ADAM22: variants seen among roughly 807,000 people sequenced by gnomAD.
ADAM22 encodes disintegrin and metalloproteinase domain-containing protein 22.
A neutral mutation model predicts 144.6 loss-of-function variants in ADAM22; 65 were observed. The observed-to-expected ratio is 0.45, with a 90% confidence interval of 0.37 to 0.55. ADAM22 has a LOEUF of 0.55. Among genes scored for constraint, ADAM22 ranks in the 20% least tolerant of loss-of-function variants. The pLI, the probability that ADAM22 is intolerant of heterozygous loss-of-function variation, is 0.00. For missense variants in ADAM22, 974 were observed against 1,184.9 expected, an observed-to-expected ratio of 0.82 and a Z score of 2.61; for synonymous variants, 391 against 412.6, an observed-to-expected ratio of 0.95 and a Z score of 0.63.
At chr7:88,005,164 C>G (rs370206572) in intron 3 of ADAM22, among the ~76,000 whole-genome samples, 2 of 152,080 alleles carry the variant, frequency 1.3e-5, no homozygotes, top group East Asian at 3.9e-4. Flanking sequence ...AATAATTGTG[C>G]CCTGTGTTCA....
intron 4 of ADAM22, among the ~76,000 whole-genome samples, chr7:88,091,664 A>G (rs756501216): frequency 1.4e-4 from 22 of 152,168 alleles, no homozygotes; most frequent in Non-Finnish European, 2.9e-4. Context: ...AGAAAGTTTA[A>G]CTAACTTGCC....
intron 4 of ADAM22, among the ~76,000 whole-genome samples, chr7:88,087,607 A>G (rs886537449): frequency 2.0e-5 from 3 of 152,344 alleles, no homozygotes; most frequent in Non-Finnish European, 2.9e-5. Context: ...TTGTAGAGAT[A>G]TGATTTATTA....
At chr7:88,027,819 T>C (rs979313121) in intron 3 of ADAM22, among the ~76,000 whole-genome samples, 2 of 151,962 alleles carry the variant, frequency 1.3e-5, no homozygotes, top group Non-Finnish European at 2.9e-5. Flanking sequence ...TTTTTTTTTT[T>C]CTGAGACAGA....
rs532813001 is a variant in ADAM22, at chr7:87,957,609, T to C, written c.247-20727T>C. On this transcript the variant is annotated intron_variant, in intron 2 of 31. Coordinates refer to ENST00000413139, the MANE Select transcript of ADAM22 (RefSeq NM_001324418.2). ...TTCTTTTTTTTATTGAGATGGAGTT[T>C]CGCTCTTGTTGCCCAAGCTGGAATG... Among the ~76,000 whole-genome samples, 6 of 152,264 alleles carry C rather than the reference T, an allele frequency of 3.9e-5. No individual in the cohort carries two copies. In the South Asian group the frequency reaches 1.2e-3, roughly 32 times the overall value.
At chr7:88,080,915 AG>A (rs1816373102) in intron 4 of ADAM22, among the ~76,000 whole-genome samples, 2 of 152,316 alleles carry the variant, frequency 1.3e-5, no homozygotes, top group South Asian at 4.1e-4. Flanking sequence ...CAGAGGTACA[AG>A]GAGGAACTGG....
chr7:88,065,053 T>C (rs937108531), intron 3 of ADAM22, among the ~76,000 whole-genome samples: 5 of 152,150 alleles, frequency 3.3e-5, no homozygotes, highest in African/African-American at 1.2e-4. Flanking sequence ...TTAATACTTT[T>C]CTTGAGAAAT....
At chr7:87,973,855 G>C (rs370000361) in intron 2 of ADAM22, among the ~76,000 whole-genome samples, 2 of 151,786 alleles carry the variant, frequency 1.3e-5, no homozygotes, top group African/African-American at 4.8e-5. Context: ...ACCAAACACC[G>C]CATATTCTCA....
At chr7:87,960,718 GT>G (rs1847837558) in intron 2 of ADAM22, among the ~76,000 whole-genome samples, 1 of 152,172 alleles carries the variant, frequency 6.6e-6, no homozygotes. Context: ...TTCTTACAAA[GT>G]TTAAACTTGC....
At position 88,196,807 on chromosome 7, in the gene ADAM22, A is replaced by T. The variant is rs2129541789; in HGVS notation, c.*316A>T. 3.0e-6 allele frequency: 1 copy of T among 337,402 alleles called. No homozygotes were observed. Among genetic ancestry groups the T allele is most frequent in the East Asian group, 5.7e-5 (1 of 17,686 alleles). 20.9% of individuals were successfully genotyped at this position (337,402 alleles called of 1,614,324 possible). On this transcript the variant is annotated 3_prime_UTR_variant, in exon 32 of 32. Transcript: ENST00000413139. ...AATATTCATAAAGTTAACTCACATG[A>T]CCCAAATGTAGCAAGTTTCCTAAGG...
At position 88,132,971 on chromosome 7, in the gene ADAM22, C is replaced by T; in HGVS notation, c.1077+20C>T. 6.2e-7 allele frequency: 1 copy of T among 1,607,326 alleles called. No homozygotes were observed. Among genetic ancestry groups the T allele is most frequent in the South Asian group, 1.1e-5 (1 of 90,884 alleles). On this transcript the variant is annotated intron_variant, in intron 12 of 31. Transcript: ENST00000413139. ...AATGAAGTAGGTGTGAACATCTGTACAATACAAAGTGGTATGATGGCTGAA... is the reference window on the plus strand; with the variant it reads ...AATGAAGTAGGTGTGAACATCTGTATAATACAAAGTGGTATGATGGCTGAA...
intron 2 of ADAM22, among the ~76,000 whole-genome samples, chr7:87,977,197 C>CT (rs918624352): frequency 1.3e-5 from 2 of 152,122 alleles, no homozygotes; most frequent in African/African-American, 4.8e-5. Flanking sequence ...GGAGGATAGA[C>CT]TTTAAAACAG....
At chr7:87,940,314 G>A (rs1842238796) in intron 2 of ADAM22, among the ~76,000 whole-genome samples, 1 of 151,240 alleles carries the variant, frequency 6.6e-6, no homozygotes, top group Non-Finnish European at 1.5e-5. Flanking sequence ...GTTATTATAT[G>A]TCAATTTTTT....
intron 3 of ADAM22, among the ~76,000 whole-genome samples, chr7:88,037,270 G>A (rs1464380508): frequency 2.0e-5 from 3 of 152,014 alleles, no homozygotes; most frequent in East Asian, 1.9e-4. Flanking sequence ...AATATTTAAC[G>A]ATGATGTTTT....
intron 19 of ADAM22, 32 bp downstream of exon 19, chr7:88,151,063 A>G: frequency 1.3e-6 from 2 of 1,598,228 alleles, no homozygotes; most frequent in Non-Finnish European, 1.7e-6. Flanking sequence ...TATGTTTTTC[A>G]CATGTACCAG....
intron 4 of ADAM22, among the ~76,000 whole-genome samples, chr7:88,083,594 TGTG>T (rs1817564151): frequency 6.4e-5 from 7 of 110,080 alleles, no homozygotes. Flanking sequence ...TGTTTGTGTG[TGTG>T]TGTGTGTGTG....
intron 13 of ADAM22, among the ~76,000 whole-genome samples, chr7:88,135,164 G>C (rs1832703203): frequency 6.7e-6 from 1 of 150,004 alleles, no homozygotes; most frequent in African/African-American, 2.5e-5. Flanking sequence ...TATAGTACCA[G>C]CTACTCGGGA....
chr7:88,166,218 T>C (rs1251307276), intron 24 of ADAM22, among the ~76,000 whole-genome samples: 1 of 152,296 alleles, frequency 6.6e-6, no homozygotes, highest in Non-Finnish European at 1.5e-5. Context: ...ACCCTAACAT[T>C]TCTTTCAAAT....
At chr7:87,998,674 C>A (rs1029593705) in intron 3 of ADAM22, among the ~76,000 whole-genome samples, 1 of 152,274 alleles carries the variant, frequency 6.6e-6, no homozygotes, top group Non-Finnish European at 1.5e-5. Context: ...CAGGTGTGAG[C>A]CACCACGCCC....
chr7:88,083,425 A>G (rs1817473789), intron 4 of ADAM22, among the ~76,000 whole-genome samples: 1 of 152,032 alleles, frequency 6.6e-6, no homozygotes, highest in Admixed American at 6.5e-5. Flanking sequence ...CCAACATGGC[A>G]CATGTATACA....
Sources: allele counts gnomAD v4.1 joint callset (sites outside exome capture counted in the v4.1 genomes callset), GRCh38; gene constraint gnomAD v4.1.1; transcripts MANE v1.5; gene names NCBI Gene and HGNC (gene_info 2026-07-23, HGNC 2026-07-21).